The following PCNX1 variants were observed in gnomAD, a reference collection of about 807,000 sequenced individuals.
PCNX1 encodes the protein pecanex 1.
Under a neutral mutation model 242.2 loss-of-function variants are expected in PCNX1, and 78 were observed. The observed-to-expected ratio is 0.32, with a 90% CI of 0.27 to 0.39. The LOEUF (loss-of-function observed/expected upper bound fraction) is 0.39, where lower values mean the gene tolerates loss of function less well. Among genes scored for constraint, PCNX1 ranks in the 10% least tolerant of loss-of-function variants. The pLI is 1.00. For missense variants in PCNX1, 2,581 were observed against 2,856.5 expected, an observed-to-expected ratio of 0.90 and a Z score of 2.20; for synonymous variants, 1,024 against 1,032.9, an observed-to-expected ratio of 0.99 and a Z score of 0.17.
Position 71,046,496 on chromosome 14 carries a change from T to G in PCNX1, c.4019-468T>G, listed in dbSNP as rs117462684. 4.1e-4 allele frequency among the ~76,000 whole-genome samples: 63 copies of G among 152,208 alleles called. No homozygotes were observed. The East Asian group carries it at 0.01, about 24-fold the overall frequency. On this transcript the variant is annotated intron_variant, in intron 20 of 35. Coordinates refer to ENST00000304743, the MANE Select transcript of PCNX1 (RefSeq NM_014982.3). ...AAAGCCAGGTGATGCTATTTTCAGA[T>G]AGCCAAAGAACCATGTTTTAAATCT...
chr14:70,908,001 A>G lies in PCNX1; in HGVS notation c.151A>G (p.Met51Val), dbSNP rs2055637759. The G allele has an allele frequency of 3.1e-6, 5 of 1,587,542 alleles. No homozygotes were observed. The highest frequency in any genetic ancestry group is 3.4e-6 in the Non-Finnish European group (4 of 1,168,958). Residue 51 changes from methionine (M) to valine (V), a missense_variant and splice_region_variant, in exon 1 of 36, where the codon ATG becomes GTG. This residue lies in a region of PCNX1 where 1,204 missense variants were observed against 1,216.7 expected (regional missense o/e 0.99). Coordinates refer to ENST00000304743, the MANE Select transcript of PCNX1 (RefSeq NM_014982.3). The stretch of plus-strand genomic sequence containing the variant: ...GCTGGGCCTGCCCTTCACCCTCTAC[A>G]TGGTGAGTGTGGGGGCGGGGAGCGG... ...FLLGLPFTLYMALPSTMIIVA... is the reference protein window; with the variant it reads ...FLLGLPFTLYVALPSTMIIVA...
intron 1 of PCNX1, among the ~76,000 whole-genome samples, chr14:70,937,219 T>C (rs577312091): frequency 1.1e-4 from 16 of 152,286 alleles, no homozygotes; most frequent in African/African-American, 3.6e-4. Flanking sequence ...ATGCCTATGT[T>C]CTGAATGGTA....
chr14:70,922,388 A>AT (rs1335881368), intron 1 of PCNX1, among the ~76,000 whole-genome samples: 1 of 152,072 alleles, frequency 6.6e-6, no homozygotes, highest in Non-Finnish European at 1.5e-5. Flanking sequence ...GAAAACATGA[A>AT]TTTTTTTACA....
rs114056414 is a variant in PCNX1 at position 71,071,232 on chromosome 14, T to G, written c.4853-2313T>G. Among the ~76,000 whole-genome samples the G allele has an allele frequency of 3.5e-3, 526 of 152,362 alleles. 3 individuals carry two copies. Among genetic ancestry groups the G allele is most frequent in the African/African-American group, 0.012 (509 of 41,596 alleles). ...ATCTTCTCTCCAGACCACTCAAACA[T>G]TCTCCATATCAGCAATAAGGCTTTT... On this transcript the variant is annotated intron_variant, in intron 26 of 35. Coordinates refer to ENST00000304743, the MANE Select transcript of PCNX1 (RefSeq NM_014982.3).
intron 26 of PCNX1, among the ~76,000 whole-genome samples, chr14:71,057,995 T>A (rs1297489381): frequency 2.6e-5 from 4 of 152,238 alleles, no homozygotes; most frequent in African/African-American, 9.6e-5. Context: ...TCTGTTGTTC[T>A]GTGCTTGGTC....
At chr14:70,996,568 C>T (rs976744840) in intron 8 of PCNX1, among the ~76,000 whole-genome samples, 10 of 152,108 alleles carry the variant, frequency 6.6e-5, no homozygotes, top group African/African-American at 2.2e-4. Flanking sequence ...CATACCTACT[C>T]AGATATCTGT....
chr14:71,010,458 T>C (rs1369794234), intron 9 of PCNX1, among the ~76,000 whole-genome samples: 1 of 152,108 alleles, frequency 6.6e-6, no homozygotes, highest in Non-Finnish European at 1.5e-5. Flanking sequence ...TTTACTGGCT[T>C]TAAGGAAGTA....
At chr14:70,961,567 A>G (rs943868505) in intron 2 of PCNX1, among the ~76,000 whole-genome samples, 1 of 152,144 alleles carries the variant, frequency 6.6e-6, no homozygotes, top group Non-Finnish European at 1.5e-5. Flanking sequence ...TGAACCTAGT[A>G]CTTTTCTCTT....
chr14:71,114,936 A>G lies in PCNX1; in HGVS notation c.*5001A>G, dbSNP rs185342435. 1 of 44,712 alleles carries G rather than the reference A, an allele frequency of 2.2e-5. No individual in the cohort carries two copies. Among genetic ancestry groups the G allele is most frequent in the Admixed American group, 2.1e-4 (1 of 4,776 alleles). 2.8% of individuals were successfully genotyped at this position (44,712 alleles called of 1,614,324 possible). On this transcript the variant is annotated 3_prime_UTR_variant, in exon 36 of 36. Coordinates refer to ENST00000304743, the MANE Select transcript of PCNX1 (RefSeq NM_014982.3). ...GAAGCTTGATTCTACAACCAAAATA[A>G]TAGAAATGGGGGGGGGGGGGGGAAT...
At chr14:70,967,397 C>T (rs2810097) in intron 3 of PCNX1, among the ~76,000 whole-genome samples, 106,990 of 152,104 alleles carry the variant, frequency 0.7, 37,627 homozygotes, top group South Asian at 0.77. Flanking sequence ...AAACGAGTTA[C>T]AGGAAGAGTT....
intron 7 of PCNX1, among the ~76,000 whole-genome samples, chr14:70,989,534 A>AT (rs34767376): frequency 0.14 from 17,175 of 126,272 alleles, 1,520 homozygotes; most frequent in African/African-American, 0.22. Flanking sequence ...ACAGATATAA[A>AT]TTTTTTTTTT....
In PCNX1 at chr14:70,977,503, C is replaced by T. The variant is rs150642844; in HGVS notation, c.1166C>T (p.Thr389Met). The T allele has an allele frequency of 6.5e-5, 105 of 1,614,102 alleles. No homozygotes were observed. The African/African-American group carries it at 7.2e-4, about 11-fold the overall frequency. ...TCAACAGAAAGCTACTGCAGTGGAA[C>T]GGACCGGGACACTAACAGTACTGTC... ...SGSTESYCSG[T>M]DRDTNSTVSS... The change falls in exon 6 of 36, where the codon ACG becomes ATG. Residue 389 changes from threonine (T) to methionine (M), a missense_variant. Thr to Met is a moderately conservative substitution (Grantham distance 81). Coordinates refer to ENST00000304743, the MANE Select transcript of PCNX1 (RefSeq NM_014982.3).
At chr14:70,941,514 G>A (rs1043541162) in intron 1 of PCNX1, among the ~76,000 whole-genome samples, 11 of 152,174 alleles carry the variant, frequency 7.2e-5, no homozygotes, top group South Asian at 2.1e-4. Flanking sequence ...AGGGGCACCC[G>A]GCTGTATGAG....
Position 70,962,311 on chromosome 14 carries a change from G to A in PCNX1, c.448G>A (p.Gly150Ser), listed in dbSNP as rs1228087497. The A allele has an allele frequency of 3.1e-6, 5 of 1,610,976 alleles. No homozygotes were observed. Among genetic ancestry groups the A allele is most frequent in the Non-Finnish European group, 4.2e-6 (5 of 1,177,456 alleles). Residue 150 changes from glycine (G) to serine (S), a missense_variant, in exon 3 of 36, where the codon GGT becomes AGT. By Grantham distance (56) the Gly-to-Ser change is moderately conservative. Coordinates refer to ENST00000304743, the MANE Select transcript of PCNX1 (RefSeq NM_014982.3). The stretch of plus-strand genomic sequence containing the variant: ...TTGCAGTTCCAGAAATTCTTATGCC[G>A]GTCTAGATCCAAGCAACCAGGTAGG... ...VGCSSRNSYA[G>S]LDPSNQIGSG...
chr14:71,084,041 A>G (rs1262381878), intron 28 of PCNX1, among the ~76,000 whole-genome samples: 1 of 152,042 alleles, frequency 6.6e-6, no homozygotes, highest in Non-Finnish European at 1.5e-5. Context: ...TTCTGTGTGG[A>G]CATCCTTTTG....
chr14:70,993,209 C>T (rs1180808470), intron 7 of PCNX1, among the ~76,000 whole-genome samples: 1 of 151,400 alleles, frequency 6.6e-6, no homozygotes, highest in Non-Finnish European at 1.5e-5. Context: ...CAAGCTCCGC[C>T]TCCCGGGTTC....
chr14:70,907,936 C>A lies in PCNX1; in HGVS notation c.86C>A (p.Thr29Asn), dbSNP rs141085703. ...GGWYYDPHQA[T>N]FVNALHLYLW... ...TGGTACTACGACCCGCACCAGGCCA[C>A]CTTCGTGAACGCGCTGCACCTCTAC... The change falls in exon 1 of 36, where the codon ACC (threonine) becomes AAC (asparagine). Residue 29 changes from threonine (T) to asparagine (N), a missense_variant. Thr to Asn is a moderately conservative substitution (Grantham distance 65, BLOSUM62 0). Coordinates refer to ENST00000304743, the MANE Select transcript of PCNX1 (RefSeq NM_014982.3). 8 of 1,596,806 alleles carry A rather than the reference C, an allele frequency of 5.0e-6. No individual in the cohort carries two copies. The highest frequency in any genetic ancestry group is 5.1e-6 in the Non-Finnish European group (6 of 1,173,154).
intron 20 of PCNX1, 49 bp downstream of exon 20, chr14:71,045,332 C>T (rs573449419): frequency 1.5e-6 from 2 of 1,340,148 alleles, no homozygotes; most frequent in East Asian, 4.7e-5. Flanking sequence ...GAGTTTTTCC[C>T]TTTGCTATAT....
chr14:71,006,103 C>CTGTGTGTGTGTGTGTG (rs60147260), intron 8 of PCNX1, among the ~76,000 whole-genome samples: 1 of 114,154 alleles, frequency 8.8e-6, no homozygotes. Flanking sequence ...GTGTGTGTGT[C>CTGTGTGTGTGTGTGTG]TGTGTGTGTG....
Sources: gnomAD v4.1 joint callset for allele counts (sites outside exome capture counted in the v4.1 genomes callset) on GRCh38, gnomAD v4.1.1 for gene constraint, gnomAD v4.1.1 regional missense constraint, MANE v1.5 for transcripts, NCBI Gene and HGNC (gene_info 2026-07-23, HGNC 2026-07-21) for gene names.